Variants in PRKN observed in about 807,000 individuals in gnomAD.
PRKN encodes E3 ubiquitin-protein ligase parkin.
In PRKN, 56 loss-of-function variants were observed where a neutral mutation model predicts 59.5. The observed-to-expected ratio is 0.94, with a 90% CI of 0.76 to 1.18. The LOEUF (loss-of-function observed/expected upper bound fraction) is 1.18. PRKN is among the 50% of genes most tolerant of loss of function. The probability of loss-of-function intolerance (pLI) is 0.00; values close to 1 mark genes in which losing one functional copy is unlikely to be tolerated. For missense variants in PRKN, 657 were observed against 596.4 expected (o/e 1.10, Z -1.06); for synonymous variants, 250 against 222.1 (o/e 1.13, Z -1.12).
At chr6:162,161,155 T>C (rs1434056496) in intron 4 of PRKN, among the ~76,000 whole-genome samples, 3 of 152,158 alleles carry the variant, frequency 2.0e-5, no homozygotes, top group Non-Finnish European at 4.4e-5. Context: ...GGCACATCTA[T>C]AGCAAAGCTC....
rs370798269 is a variant in PRKN at position 161,443,799 on chromosome 6, C to T, written c.1084-56922G>A. Among the ~76,000 whole-genome samples, 343 of 152,244 alleles carry T rather than the reference C, an allele frequency of 2.3e-3. 2 individuals are homozygous for T. Among genetic ancestry groups the T allele is most frequent in the African/African-American group, 7.8e-3 (322 of 41,540 alleles). On this transcript the variant is annotated intron_variant, in intron 9 of 11. Coordinates refer to ENST00000366898, the MANE Select transcript of PRKN (RefSeq NM_004562.3). ...ATTACTCCTGCCTAAACTGATGCCC[C>T]GGTAGGCAGAGCCAAGGGGTTAATG...
chr6:162,443,235 G>T, intron 2 of PRKN, 75 bp downstream of exon 2: 1 of 1,462,860 alleles, frequency 6.8e-7, no homozygotes, highest in Non-Finnish European at 9.6e-7. Flanking sequence ...AGGCATGAAT[G>T]TCAGATTGGC....
At chr6:162,439,771 C>A (rs1175705900) in intron 2 of PRKN, among the ~76,000 whole-genome samples, 3 of 151,650 alleles carry the variant, frequency 2.0e-5, no homozygotes, top group Non-Finnish European at 1.5e-5. Flanking sequence ...TAGTAAGTAT[C>A]CTCTCTCCTT....
At position 162,468,366 on chromosome 6, in the gene PRKN, T is replaced by C. The variant is rs556993196; in HGVS notation, c.8-24893A>G. ...ATCTTTGTTCATTAATATTTGCATA[T>C]AATAACTGGACTGAGAGAAAAATGA... On this transcript the variant is annotated intron_variant, in intron 1 of 11. Transcript: ENST00000366898. Among the ~76,000 whole-genome samples, 6 of 152,328 alleles carry C rather than the reference T, an allele frequency of 3.9e-5. No homozygotes were observed. The East Asian group carries it at 1.2e-3, about 29-fold the overall frequency.
In PRKN at chr6:161,838,266, C is replaced by G. The variant is rs372273198; in HGVS notation, c.735-52358G>C. ...GAAACTCATGACCCAAATTTTTAAA[C>G]CTTATTTTAGATTCTTCTAAGACCA... On this transcript the variant is annotated intron_variant, in intron 6 of 11. Coordinates refer to ENST00000366898, the MANE Select transcript of PRKN (RefSeq NM_004562.3). 2.0e-4 allele frequency among the ~76,000 whole-genome samples: 31 copies of G among 152,248 alleles called. 1 individual carries two copies. In the South Asian group the frequency reaches 5.6e-3, roughly 28 times the overall value.
chr6:162,669,236 T>TC (rs398048980), intron 1 of PRKN, among the ~76,000 whole-genome samples: 1 of 151,976 alleles, frequency 6.6e-6, no homozygotes, highest in Non-Finnish European at 1.5e-5. Context: ...CTTTTTTTTT[T>TC]AAAGGAAACA....
intron 9 of PRKN, among the ~76,000 whole-genome samples, chr6:161,478,672 T>C (rs924078580): frequency 1.3e-5 from 2 of 152,128 alleles, no homozygotes; most frequent in Non-Finnish European, 2.9e-5. Context: ...TGGCAAAGCC[T>C]TGTCTTTAGA....
chr6:161,530,002 G>A lies in PRKN; in HGVS notation c.1083+18852C>T, dbSNP rs1012837535. On this transcript the variant is annotated intron_variant, in intron 9 of 11. Transcript: ENST00000366898. This position sits in a 1 kb window ranked among gnomAD's most constrained non-coding sequence, Gnocchi z 5.0. ...TTGAGCATGTTATAAAAACAACAGA[G>A]CAGCAAAAGCATTTTACTTAAGAAG... is the stretch of plus-strand genomic sequence containing the variant. 2.6e-5 allele frequency among the ~76,000 whole-genome samples: 4 copies of A among 151,916 alleles called. No individual in the cohort carries two copies. Among genetic ancestry groups the A allele is most frequent in the East Asian group, 3.9e-4 (2 of 5,166 alleles).
At chr6:161,885,401 C>CG (rs1795097549) in intron 6 of PRKN, among the ~76,000 whole-genome samples, 1 of 152,024 alleles carries the variant, frequency 6.6e-6, no homozygotes, top group South Asian at 2.1e-4. Flanking sequence ...TGCGGTGGCT[C>CG]AGCCTGTAAT....
At chr6:162,455,217 T>G (rs1401725393) in intron 1 of PRKN, among the ~76,000 whole-genome samples, 1 of 152,126 alleles carries the variant, frequency 6.6e-6, no homozygotes, top group Non-Finnish European at 1.5e-5. Context: ...GTTCCATCTC[T>G]TACCTAACCA....
rs983782309 is a variant in PRKN at position 161,462,398 on chromosome 6, A to G, written c.1084-75521T>C. Reference sequence around the variant, plus strand: ...GAGGTATTTTAGGAGCTGATTTGGTATTCAGTTAATACTGTAGAACGTGCT... The same window carrying G: ...GAGGTATTTTAGGAGCTGATTTGGTGTTCAGTTAATACTGTAGAACGTGCT... On this transcript the variant is annotated intron_variant, in intron 9 of 11. Transcript: ENST00000366898. This position sits in a 1 kb window ranked among gnomAD's most constrained non-coding sequence, Gnocchi z 4.5. Among the ~76,000 whole-genome samples the G allele has an allele frequency of 6.6e-6, 1 of 152,228 alleles. No individual in the cohort carries two copies.
intron 4 of PRKN, among the ~76,000 whole-genome samples, chr6:162,103,975 G>A (rs1780085083): frequency 6.6e-6 from 1 of 152,232 alleles, no homozygotes; most frequent in South Asian, 2.1e-4. Flanking sequence ...GGGGATGGCA[G>A]CCTGTGCTGT....
chr6:162,608,482 G>C (rs911969123), intron 1 of PRKN, among the ~76,000 whole-genome samples: 1 of 152,148 alleles, frequency 6.6e-6, no homozygotes, highest in Non-Finnish European at 1.5e-5. Flanking sequence ...TTACAAACAA[G>C]GTGTCAACTC....
chr6:161,626,799 G>T (rs143704964), intron 7 of PRKN, among the ~76,000 whole-genome samples: 1,696 of 152,324 alleles, frequency 0.011, 29 homozygotes, highest in African/African-American at 0.039. Context: ...GGTGCCGCAG[G>T]CATTTATTCA....
chr6:162,718,559 A>C (rs887828080), intron 1 of PRKN, among the ~76,000 whole-genome samples: 5 of 152,028 alleles, frequency 3.3e-5, no homozygotes, highest in African/African-American at 9.7e-5. Flanking sequence ...AAAATACAAA[A>C]AAAATTAGCT....
chr6:161,710,847 TCTTC>T (rs1562624727), intron 7 of PRKN, among the ~76,000 whole-genome samples: 9 of 51,574 alleles, frequency 1.7e-4, no homozygotes, highest in Admixed American at 1.1e-3. Context: ...CCCCTTTCCT[TCTTC>T]CCTTCCCTTC....
At chr6:162,584,570 A>G (rs899082314) in intron 1 of PRKN, among the ~76,000 whole-genome samples, 62 of 152,180 alleles carry the variant, frequency 4.1e-4, no homozygotes, top group African/African-American at 1.5e-3. Flanking sequence ...GTGAATCACA[A>G]GCAAAAAATT....
intron 7 of PRKN, chr6:161,783,611 T>A: frequency 2.0e-6 from 1 of 495,518 alleles, no homozygotes; most frequent in South Asian, 1.5e-5. Context: ...AAAGATAGAG[T>A]GTGAAGGGAA....
chr6:161,724,887 G>A (rs1018280103), intron 7 of PRKN, among the ~76,000 whole-genome samples: 1 of 152,162 alleles, frequency 6.6e-6, no homozygotes, highest in Non-Finnish European at 1.5e-5. Context: ...GAGGTGTTTG[G>A]GTCATAGGGG....
Sources: allele counts gnomAD v4.1 joint callset (sites outside exome capture counted in the v4.1 genomes callset), GRCh38; gene constraint gnomAD v4.1.1; non-coding constraint Gnocchi (gnomAD v3.1); transcripts MANE v1.5; gene names NCBI Gene and HGNC (gene_info 2026-07-23, HGNC 2026-07-21).